MYT1L: variants seen among roughly 807,000 people sequenced by gnomAD.
The protein encoded by MYT1L is myelin transcription factor 1 like, also known as myelin transcription factor 1-like protein.
A neutral mutation model predicts 126.7 loss-of-function variants in MYT1L; 12 were observed. The observed-to-expected ratio is 0.09, with a 90% CI of 0.06 to 0.15. MYT1L has a LOEUF of 0.15. Ranked by LOEUF, MYT1L falls within the 10% of genes least tolerant of loss-of-function variation. The probability of loss-of-function intolerance (pLI) is 1.00; values close to 1 mark genes in which losing one functional copy is unlikely to be tolerated. For synonymous variants in MYT1L, 541 were observed against 604.2 expected, an observed-to-expected ratio of 0.90 and a Z score of 1.53; for missense variants, 979 against 1,585.2, an observed-to-expected ratio of 0.62 and a Z score of 6.49.
At chr2:1,934,198 T>A (rs1359085476) in intron 9 of MYT1L, among the ~76,000 whole-genome samples, 3 of 151,036 alleles carry the variant, frequency 2.0e-5, no homozygotes, top group Non-Finnish European at 2.9e-5. Context: ...ATGGTCTCGA[T>A]CTCCTGACCT....
At chr2:1,941,595 G>A (rs1029228971) in intron 9 of MYT1L, among the ~76,000 whole-genome samples, 4 of 152,108 alleles carry the variant, frequency 2.6e-5, no homozygotes, top group African/African-American at 9.7e-5. Flanking sequence ...GTTCTGATAG[G>A]CCTTCTCTAC....
intron 1 of MYT1L, among the ~76,000 whole-genome samples, chr2:2,295,711 G>A (rs2095675113): frequency 7.7e-6 from 1 of 129,746 alleles, no homozygotes; most frequent in Non-Finnish European, 1.7e-5. Flanking sequence ...GAGACAGACA[G>A]ACAGAGAGAG....
chr2:1,890,368 T>A (rs1362429881), intron 15 of MYT1L, among the ~76,000 whole-genome samples: 1 of 152,142 alleles, frequency 6.6e-6, no homozygotes, highest in African/African-American at 2.4e-5. Flanking sequence ...CCACTGCGCC[T>A]GGCTGTAATA....
chr2:2,031,992 G>A (rs1028454494), intron 4 of MYT1L, among the ~76,000 whole-genome samples: 11 of 140,496 alleles, frequency 7.8e-5, no homozygotes, highest in African/African-American at 3.1e-4. Context: ...CTCTCATCCT[G>A]TGGCCGAGAG....
chr2:1,903,011 T>C (rs1356781501), intron 14 of MYT1L, 69 bp downstream of exon 14: 20 of 1,414,536 alleles, frequency 1.4e-5, no homozygotes, highest in African/African-American at 2.8e-5. Flanking sequence ...TTGTAGGACA[T>C]TGATATACAC....
At chr2:1,844,040 G>C (rs555877523) in intron 19 of MYT1L, among the ~76,000 whole-genome samples, 5 of 152,150 alleles carry the variant, frequency 3.3e-5, no homozygotes, top group Admixed American at 1.3e-4. Context: ...GGTCTCTTCT[G>C]GGGCACTAGC....
At chr2:2,277,141 C>T (rs1465586187) in intron 2 of MYT1L, among the ~76,000 whole-genome samples, 1 of 152,096 alleles carries the variant, frequency 6.6e-6, no homozygotes, top group Non-Finnish European at 1.5e-5. Flanking sequence ...GCCACCACCC[C>T]CGGCTAATTT....
chr2:2,079,229 AAAC>A (rs2075552510), intron 3 of MYT1L, among the ~76,000 whole-genome samples: 1 of 152,260 alleles, frequency 6.6e-6, no homozygotes, highest in African/African-American at 2.4e-5. Context: ...AAAAATTAGA[AAAC>A]AAGCTCATTA....
chr2:1,957,103 G>T (rs2058549837), intron 8 of MYT1L, among the ~76,000 whole-genome samples: 1 of 152,208 alleles, frequency 6.6e-6, no homozygotes, highest in Non-Finnish European at 1.5e-5. Context: ...GGCACAGGGA[G>T]GGGTGCTGCA....
At chr2:1,863,937 C>T (rs757631499) in intron 18 of MYT1L, among the ~76,000 whole-genome samples, 6 of 152,202 alleles carry the variant, frequency 3.9e-5, no homozygotes, top group Non-Finnish European at 8.8e-5. Context: ...GAACGGCTGC[C>T]TTGGGTGGTG....
At chr2:2,053,068 T>C (rs1212877674) in intron 4 of MYT1L, among the ~76,000 whole-genome samples, 1 of 152,188 alleles carries the variant, frequency 6.6e-6, no homozygotes, top group African/African-American at 2.4e-5. Context: ...AGTGGACTAT[T>C]ATTCAGCCTT....
chr2:2,125,433 G>C (rs1575345563), intron 3 of MYT1L, among the ~76,000 whole-genome samples: 1 of 152,076 alleles, frequency 6.6e-6, no homozygotes, highest in East Asian at 1.9e-4. Context: ...TTTGACTCCC[G>C]TATGTATCCT....
intron 21 of MYT1L, among the ~76,000 whole-genome samples, chr2:1,817,414 T>C (rs2037838107): frequency 1.3e-5 from 2 of 152,220 alleles, no homozygotes; most frequent in African/African-American, 4.8e-5. Flanking sequence ...CTCACGCTGC[T>C]TCTCTTCACT....
chr2:1,842,344 C>T (rs2041846227), intron 19 of MYT1L: 1 of 152,478 alleles, frequency 6.6e-6, no homozygotes. Flanking sequence ...GTTCGGGTTT[C>T]GTGTCTGGGC....
At chr2:2,012,445 C>T (rs1278442239) in intron 4 of MYT1L, among the ~76,000 whole-genome samples, 1 of 152,144 alleles carries the variant, frequency 6.6e-6, no homozygotes, top group Non-Finnish European at 1.5e-5. Context: ...AGATTAGTGG[C>T]CACTTGGGGC....
chr2:1,835,023 TGGATACAGGTGCTCCTCCACATACCAC>T (rs1260832092), intron 21 of MYT1L, among the ~76,000 whole-genome samples: 1 of 127,144 alleles, frequency 7.9e-6, no homozygotes, highest in African/African-American at 3.7e-5. Flanking sequence ...ACCACGGGGA[TGGATACAGGTGCTCCTCCACATACCAC>T]GGGGATGGAT....
At chr2:1,955,969 A>G (rs1016999892) in intron 8 of MYT1L, among the ~76,000 whole-genome samples, 2 of 152,180 alleles carry the variant, frequency 1.3e-5, no homozygotes, top group East Asian at 3.8e-4. Flanking sequence ...AGAGCTTAAT[A>G]TGACTGCTTT....
Position 1,978,709 on chromosome 2 carries a change from C to G in MYT1L, c.152+456G>C, listed in dbSNP as rs140556446. 4.8e-4 allele frequency among the ~76,000 whole-genome samples: 73 copies of G among 152,284 alleles called. 1 individual carries two copies. The highest frequency in any genetic ancestry group is 1.7e-3 in the African/African-American group (72 of 41,562). On this transcript the variant is annotated intron_variant, in intron 8 of 24. Transcript: ENST00000647738. ...GCAGCCGTCCAGATGTAAGAATGGGCTTAGTTTCCCAGGATGAACCCCGTT... is the reference window on the plus strand; with the variant it reads ...GCAGCCGTCCAGATGTAAGAATGGGGTTAGTTTCCCAGGATGAACCCCGTT...
At chr2:2,269,817 C>T (rs1421872517) in intron 2 of MYT1L, among the ~76,000 whole-genome samples, 2 of 152,204 alleles carry the variant, frequency 1.3e-5, no homozygotes, top group Admixed American at 6.5e-5. Flanking sequence ...ACAGTGGGTC[C>T]ATTTGCATAA....
Sources: gnomAD v4.1 joint callset for allele counts (sites outside exome capture counted in the v4.1 genomes callset) on GRCh38, gnomAD v4.1.1 for gene constraint, MANE v1.5 for transcripts, NCBI Gene and HGNC (gene_info 2026-07-23, HGNC 2026-07-21) for gene names.